Variants in TENM2 observed in about 807,000 individuals in gnomAD.
TENM2 encodes the protein teneurin transmembrane protein 2.
A neutral mutation model predicts 245.2 loss-of-function variants in TENM2; 52 were observed. The observed-to-expected ratio is 0.21, with a 90% CI of 0.17 to 0.27. The LOEUF (loss-of-function observed/expected upper bound fraction) is 0.27. Ranked by LOEUF, TENM2 falls within the 10% of genes least tolerant of loss-of-function variation. The pLI is 1.00. For synonymous variants in TENM2, 1,363 were observed against 1,438.9 expected (o/e 0.95, Z 1.19); for missense variants, 3,046 against 3,666.8 (o/e 0.83, Z 4.37).
At chr5:167,970,939 G>A (rs536102400) in intron 4 of TENM2, among the ~76,000 whole-genome samples, 20 of 151,766 alleles carry the variant, frequency 1.3e-4, no homozygotes, top group African/African-American at 4.8e-4. Flanking sequence ...GAACAAGGTA[G>A]AAGGCGCATA....
chr5:167,812,849 G>C (rs1336409467), intron 2 of TENM2, among the ~76,000 whole-genome samples: 3 of 152,200 alleles, frequency 2.0e-5, no homozygotes, highest in South Asian at 2.1e-4. Flanking sequence ...CAGAAGAGAA[G>C]CAATAATATG....
At chr5:167,237,339 G>T in the TENM2 span, among the ~76,000 whole-genome samples, 19 of 152,058 alleles carry the variant, frequency 1.2e-4, no homozygotes, top group African/African-American at 4.6e-4. Flanking sequence ...CAATTTTAGG[G>T]CATGTTATAT....
chr5:167,258,215 G>GTGTATATATATA, the TENM2 span, among the ~76,000 whole-genome samples: 423 of 122,832 alleles, frequency 3.4e-3, 4 homozygotes, highest in African/African-American at 0.012. Flanking sequence ...ATATATATAT[G>GTGTATATATATA]TATATATATA....
intron 3 of TENM2, among the ~76,000 whole-genome samples, chr5:167,899,170 C>A (rs188735264): frequency 5.8e-4 from 88 of 152,066 alleles, no homozygotes; most frequent in Admixed American, 5.8e-3. Context: ...AGAAAGAGGA[C>A]CGAACCTCCA....
At chr5:167,646,076 C>G (rs1177050974) in intron 2 of TENM2, among the ~76,000 whole-genome samples, 2 of 150,474 alleles carry the variant, frequency 1.3e-5, no homozygotes, top group Non-Finnish European at 1.5e-5. Flanking sequence ...ATTTGTGTCT[C>G]TTGCTCCAAC....
chr5:168,116,768 A>G (rs1307009786), intron 9 of TENM2, among the ~76,000 whole-genome samples: 3 of 152,212 alleles, frequency 2.0e-5, no homozygotes, highest in Admixed American at 2.0e-4. Flanking sequence ...AAGGGGATTC[A>G]TGAGGCTGGG....
At chr5:168,131,170 A>C (rs140371342) in intron 12 of TENM2, among the ~76,000 whole-genome samples, 1 of 152,174 alleles carries the variant, frequency 6.6e-6, no homozygotes, top group Non-Finnish European at 1.5e-5. Flanking sequence ...TCTCCTGAAC[A>C]TGGGCTACCC....
the TENM2 span, among the ~76,000 whole-genome samples, chr5:167,234,740 A>C: frequency 6.6e-6 from 1 of 152,210 alleles, no homozygotes; most frequent in Admixed American, 6.5e-5. Context: ...TTAAAAACTA[A>C]GCATTGTGGC....
intron 2 of TENM2, among the ~76,000 whole-genome samples, chr5:167,628,647 G>A (rs553999249): frequency 1.3e-5 from 2 of 152,318 alleles, no homozygotes; most frequent in East Asian, 3.9e-4. Context: ...TATAGAGAAT[G>A]TGGGACTTAG....
In TENM2 at chr5:167,539,958, TAGA is replaced by T. The variant is rs959626958; in HGVS notation, c.502+164489_502+164491del. On this transcript the variant is annotated intron_variant, in intron 2 of 28. Transcript: ENST00000518659. ...TAATTAGCAAATATCTAATTAGTGT[TAGA>T]AGATTAATCGCTCATGGGAGTTGTT... Among the ~76,000 whole-genome samples the T allele has an allele frequency of 3.2e-4, 48 of 152,206 alleles. 1 individual carries two copies.
At chr5:168,018,541 C>T (rs962573229) in intron 5 of TENM2, among the ~76,000 whole-genome samples, 1 of 151,842 alleles carries the variant, frequency 6.6e-6, no homozygotes, top group Non-Finnish European at 1.5e-5. Context: ...TTGTCGACCA[C>T]CTGGGGTGGA....
chr5:167,858,286 A>G (rs1159094277), intron 2 of TENM2, among the ~76,000 whole-genome samples: 1 of 152,244 alleles, frequency 6.6e-6, no homozygotes, highest in Non-Finnish European at 1.5e-5. Context: ...GGAAGTCTGC[A>G]AGTCTTCATA....
At chr5:167,043,800 G>A in the TENM2 span, among the ~76,000 whole-genome samples, 1 of 152,098 alleles carries the variant, frequency 6.6e-6, no homozygotes, top group Non-Finnish European at 1.5e-5. Flanking sequence ...GAGGTGGGCG[G>A]ATCACAAGGT....
intron 5 of TENM2, among the ~76,000 whole-genome samples, chr5:168,015,552 C>G (rs1473934659): frequency 5.9e-5 from 9 of 152,244 alleles, no homozygotes; most frequent in Admixed American, 5.9e-4. Flanking sequence ...GACTAAGGCA[C>G]TTATTCCATG....
intron 3 of TENM2, among the ~76,000 whole-genome samples, chr5:167,900,558 T>C (rs541080737): frequency 6.6e-5 from 10 of 152,242 alleles, no homozygotes; most frequent in African/African-American, 1.9e-4. Flanking sequence ...TCATTTCTCA[T>C]GTTTGGAAGT....
intron 2 of TENM2, among the ~76,000 whole-genome samples, chr5:167,871,944 A>C (rs1395857003): frequency 6.6e-6 from 1 of 152,090 alleles, no homozygotes; most frequent in Non-Finnish European, 1.5e-5. Context: ...TGGAATAGTC[A>C]GGGGGGAAAA....
chr5:167,001,475 C>T, the TENM2 span, among the ~76,000 whole-genome samples: 10 of 151,356 alleles, frequency 6.6e-5, no homozygotes, highest in East Asian at 1.9e-4. Flanking sequence ...TGATGACATG[C>T]GGGAACATCT....
the TENM2 span, among the ~76,000 whole-genome samples, chr5:167,120,681 T>TAA: frequency 2.6e-5 from 4 of 152,232 alleles, no homozygotes; most frequent in Non-Finnish European, 5.9e-5. Context: ...GAACTTTCAA[T>TAA]GTGTTATCTT....
intron 2 of TENM2, among the ~76,000 whole-genome samples, chr5:167,507,894 CT>C (rs1769663235): frequency 6.6e-6 from 1 of 151,110 alleles, no homozygotes; most frequent in Admixed American, 6.6e-5. Flanking sequence ...TTTTATTTTT[CT>C]TTCTACTATA....
Sources: allele counts gnomAD v4.1 joint callset (sites outside exome capture counted in the v4.1 genomes callset), GRCh38; gene constraint gnomAD v4.1.1; transcripts MANE v1.5; gene names NCBI Gene and HGNC (gene_info 2026-07-23, HGNC 2026-07-21).